Variants in LRP1B observed in about 807,000 individuals in gnomAD.
LRP1B encodes the protein low-density lipoprotein receptor-related protein 1B.
LRP1B carries 217 observed loss-of-function variants against 556.6 expected under a neutral mutation model. The observed-to-expected ratio is 0.39, with a 90% CI of 0.35 to 0.44. LRP1B has a LOEUF of 0.44. LRP1B is among the 20% of genes least tolerant of loss of function. The probability of loss-of-function intolerance (pLI) is 1.00; values close to 1 mark genes in which losing one functional copy is unlikely to be tolerated. For synonymous variants in LRP1B, 2,047 were observed against 1,865.8 expected (o/e 1.10, Z -2.50); for missense variants, 5,053 against 5,620.8 (o/e 0.90, Z 3.23).
chr2:141,021,772 A>G (rs1156634271), intron 11 of LRP1B, among the ~76,000 whole-genome samples: 1 of 151,920 alleles, frequency 6.6e-6, no homozygotes, highest in African/African-American at 2.4e-5. Context: ...TTTGTTTCTG[A>G]CACTTGGGTA....
intron 41 of LRP1B, among the ~76,000 whole-genome samples, chr2:140,690,889 T>C (rs1207276944): frequency 6.6e-6 from 1 of 152,194 alleles, no homozygotes; most frequent in African/African-American, 2.4e-5. Flanking sequence ...TCTAAATAGG[T>C]AATCTTAAAA....
Position 140,971,315 on chromosome 2 carries a change from G to A in LRP1B, c.2887+10845C>T, listed in dbSNP as rs181900559. On this transcript the variant is annotated intron_variant, in intron 18 of 90. Transcript: ENST00000389484. ...ATGTTGCCCCAAGCCAAGAAACGCCGATAGCCACCAGAAGCTGAAAAAAGC... is the reference window on the plus strand; with the variant it reads ...ATGTTGCCCCAAGCCAAGAAACGCCAATAGCCACCAGAAGCTGAAAAAAGC... Among the ~76,000 whole-genome samples, 14 of 152,190 alleles carry A rather than the reference G, an allele frequency of 9.2e-5. No individual in the cohort carries two copies. In the East Asian group the frequency reaches 2.1e-3, roughly 23 times the overall value.
intron 23 of LRP1B, among the ~76,000 whole-genome samples, chr2:140,894,670 C>T (rs2016582): frequency 0.52 from 79,355 of 151,842 alleles, 22,416 homozygotes; most frequent in Middle Eastern, 0.65. Context: ...AATGATAGGC[C>T]GGGCACGGAC....
At chr2:140,501,928 T>C in intron 54 of LRP1B, 54 bp from the exon 55 acceptor site, 8 of 1,274,318 alleles carry the variant, frequency 6.3e-6, no homozygotes, top group Non-Finnish European at 8.6e-6. Context: ...TGTTTTATAC[T>C]ACAGTTGTTG....
At chr2:141,886,121 C>G (rs1055548150) in intron 1 of LRP1B, among the ~76,000 whole-genome samples, 10 of 152,112 alleles carry the variant, frequency 6.6e-5, no homozygotes, top group African/African-American at 2.2e-4. Context: ...CTTAGAAGGT[C>G]ACTGGAATAT....
At chr2:140,581,430 C>A (rs930045918) in intron 43 of LRP1B, among the ~76,000 whole-genome samples, 1 of 152,074 alleles carries the variant, frequency 6.6e-6, no homozygotes. Context: ...TATTGCTTCC[C>A]GGGATCGCAT....
intron 3 of LRP1B, among the ~76,000 whole-genome samples, chr2:141,275,594 T>C (rs1049685269): frequency 1.3e-5 from 2 of 152,112 alleles, no homozygotes; most frequent in East Asian, 3.9e-4. Flanking sequence ...TCTGTAGTCT[T>C]GACTACTATT....
At chr2:140,578,115 C>T (rs1030964627) in intron 43 of LRP1B, among the ~76,000 whole-genome samples, 2 of 152,086 alleles carry the variant, frequency 1.3e-5, no homozygotes, top group Non-Finnish European at 2.9e-5. Context: ...TACCAATGAG[C>T]ATAATAATTT....
chr2:141,084,680 C>T (rs1171013152), intron 7 of LRP1B, among the ~76,000 whole-genome samples: 2 of 148,974 alleles, frequency 1.3e-5, no homozygotes, highest in Non-Finnish European at 3.0e-5. Context: ...GACGGAGTCT[C>T]GCTCTGTCCC....
intron 1 of LRP1B, among the ~76,000 whole-genome samples, chr2:141,918,125 A>T (rs918559224): frequency 6.6e-6 from 1 of 152,018 alleles, no homozygotes; most frequent in Non-Finnish European, 1.5e-5. Context: ...AAAGAGAAGA[A>T]CCCTATATAC....
At chr2:141,947,875 A>G (rs914746214) in intron 1 of LRP1B, among the ~76,000 whole-genome samples, 1 of 151,762 alleles carries the variant, frequency 6.6e-6, no homozygotes, top group South Asian at 2.1e-4. Flanking sequence ...TGAAACTCAC[A>G]TCTGTTGAGC....
chr2:142,017,580 TG>T (rs1703189202), intron 1 of LRP1B, among the ~76,000 whole-genome samples: 1 of 152,048 alleles, frequency 6.6e-6, no homozygotes, highest in African/African-American at 2.4e-5. Context: ...GAAAAATATT[TG>T]TGAGTTGTCA....
intron 1 of LRP1B, among the ~76,000 whole-genome samples, chr2:142,011,323 G>A (rs1467593641): frequency 6.6e-6 from 1 of 152,158 alleles, no homozygotes; most frequent in East Asian, 1.9e-4. Context: ...TGTGTCACTT[G>A]ATAATATACA....
intron 1 of LRP1B, among the ~76,000 whole-genome samples, chr2:142,013,266 G>A (rs754464697): frequency 1.3e-5 from 2 of 152,090 alleles, no homozygotes; most frequent in African/African-American, 2.4e-5. Context: ...GTGTAATGTG[G>A]AGGCTCTTAA....
intron 72 of LRP1B, among the ~76,000 whole-genome samples, chr2:140,359,314 C>T (rs115456229): frequency 1.1e-3 from 161 of 151,572 alleles, no homozygotes; most frequent in African/African-American, 3.0e-3. Context: ...AGCATAGAGC[C>T]GGAGCAAGCA....
chr2:140,989,618 T>C lies in LRP1B; in HGVS notation c.2684A>G (p.Asn895Ser). ...CCATCTCTTGGGGATGCAGCGATTATTCTGGCATTTAAACTGATCATCAGG... is the reference window on the plus strand; with the variant it reads ...CCATCTCTTGGGGATGCAGCGATTACTCTGGCATTTAAACTGATCATCAGG... ...SCPDDQFKCQ[N>S]NRCIPKRWLC... is the part of the protein sequence containing the mutation. Residue 895 changes from asparagine (N) to serine (S), a missense_variant, in exon 17 of 91, where the codon AAT becomes AGT. Physicochemically the swap from Asn to Ser is conservative, Grantham distance 46. Coordinates refer to ENST00000389484, the MANE Select transcript of LRP1B (RefSeq NM_018557.3). 1 of 1,613,222 alleles carries C rather than the reference T, an allele frequency of 6.2e-7. No homozygotes were observed. The highest frequency in any genetic ancestry group is 8.5e-7 in the Non-Finnish European group (1 of 1,179,394).
At chr2:141,389,320 C>A (rs1188207150) in intron 3 of LRP1B, among the ~76,000 whole-genome samples, 1 of 152,034 alleles carries the variant, frequency 6.6e-6, no homozygotes, top group Non-Finnish European at 1.5e-5. Flanking sequence ...ATATATATAT[C>A]TAGGGGCACT....
chr2:141,900,455 C>A (rs1294548886), intron 1 of LRP1B, among the ~76,000 whole-genome samples: 1 of 151,816 alleles, frequency 6.6e-6, no homozygotes, highest in Non-Finnish European at 1.5e-5. Flanking sequence ...ATATCTTTAC[C>A]CCTTAAATAC....
chr2:141,874,498 T>G (rs1445328371), intron 1 of LRP1B, among the ~76,000 whole-genome samples: 1 of 151,970 alleles, frequency 6.6e-6, no homozygotes, highest in Non-Finnish European at 1.5e-5. Flanking sequence ...CAGCCATTGC[T>G]TGCCAAGGAA....
Sources: allele counts gnomAD v4.1 joint callset (sites outside exome capture counted in the v4.1 genomes callset), GRCh38; gene constraint gnomAD v4.1.1; transcripts MANE v1.5; gene names NCBI Gene and HGNC (gene_info 2026-07-23, HGNC 2026-07-21).